The following AGMO variants were observed in gnomAD, a reference collection of about 807,000 sequenced individuals.
AGMO encodes alkylglycerol monooxygenase.
In AGMO, 75 loss-of-function variants were observed where a neutral mutation model predicts 60.2. The ratio of observed to expected loss-of-function variants is 1.25; its 90% confidence interval spans 1.03 to 1.51. AGMO has a LOEUF of 1.51. AGMO is among the 40% of genes most tolerant of loss of function. The pLI, the probability that AGMO is intolerant of heterozygous loss-of-function variation, is 0.00. For synonymous variants in AGMO, 261 were observed against 177.1 expected, an observed-to-expected ratio of 1.47 and a Z score of -3.76; for missense variants, 763 against 525.5, an observed-to-expected ratio of 1.45 and a Z score of -4.42.
chr7:15,505,934 T>C (rs975203298), intron 3 of AGMO, among the ~76,000 whole-genome samples: 3 of 152,168 alleles, frequency 2.0e-5, no homozygotes, highest in South Asian at 2.1e-4. Flanking sequence ...TACTTTAAAA[T>C]GAAGAGTTCA....
chr7:15,560,173 T>C lies in AGMO; in HGVS notation c.225A>G (p.Ser75=), dbSNP rs914712424. Residue 75 remains serine (S), a synonymous_variant, in exon 2 of 13, where the codon TCA becomes TCG. Transcript: ENST00000342526. ...GTCGAGACAGAACACCAGCTGAGAT[T>C]GACGTTAAAGCATCATCCAGGCGAC... is the stretch of plus-strand genomic sequence containing the variant. ...PPGRLDDALT[S]ISAGVLSRLP... The C allele has an allele frequency of 6.8e-6, 11 of 1,612,834 alleles. No homozygotes were observed. Among genetic ancestry groups the C allele is most frequent in the Middle Eastern group, 3.3e-4 (2 of 6,072 alleles).
At chr7:15,228,511 C>G (rs149775173) in intron 12 of AGMO, among the ~76,000 whole-genome samples, 2 of 152,038 alleles carry the variant, frequency 1.3e-5, no homozygotes, top group East Asian at 3.9e-4. Context: ...TCAACTGAAA[C>G]AGCCAGAGTA....
At chr7:15,173,582 C>G in the AGMO span, among the ~76,000 whole-genome samples, 1 of 151,462 alleles carries the variant, frequency 6.6e-6, no homozygotes, top group Non-Finnish European at 1.5e-5. Flanking sequence ...GAAGACAATA[C>G]AATAAAAAAC....
chr7:15,284,159 A>T (rs941015141), intron 12 of AGMO, among the ~76,000 whole-genome samples: 5 of 152,210 alleles, frequency 3.3e-5, no homozygotes, highest in African/African-American at 7.2e-5. Flanking sequence ...ATCTAATATC[A>T]TACCTCAGGC....
chr7:15,353,693 CAT>C (rs1438734197), intron 12 of AGMO, among the ~76,000 whole-genome samples: 1 of 152,076 alleles, frequency 6.6e-6, no homozygotes, highest in Admixed American at 6.6e-5. Flanking sequence ...TCAAAATAGA[CAT>C]AATATTAAAA....
intron 3 of AGMO, among the ~76,000 whole-genome samples, chr7:15,515,417 T>G (rs1420759582): frequency 5.3e-5 from 8 of 152,220 alleles, no homozygotes; most frequent in Admixed American, 4.6e-4. Context: ...TCTTCAGCTG[T>G]GTATTGGAGC....
Position 15,356,214 on chromosome 7 carries a change from G to A in AGMO, c.1263+9300C>T, listed in dbSNP as rs558906158. Among the ~76,000 whole-genome samples the A allele has an allele frequency of 2.0e-5, 3 of 152,152 alleles. No homozygotes were observed. The Middle Eastern group carries it at 0.01, about 518-fold the overall frequency. On this transcript the variant is annotated intron_variant, in intron 12 of 12. Transcript: ENST00000342526. ...TTCCCATCTAGATGTATAAACTAGA[G>A]AAACTCTACATACATGCAATGTGCA...
chr7:15,187,312 C>T, the AGMO span, among the ~76,000 whole-genome samples: 3 of 152,288 alleles, frequency 2.0e-5, no homozygotes, highest in Admixed American at 2.0e-4. Context: ...TATTTCTTCC[C>T]TGTTTGCACA....
the AGMO span, among the ~76,000 whole-genome samples, chr7:15,142,358 T>A: frequency 5.3e-5 from 8 of 152,140 alleles, no homozygotes; most frequent in African/African-American, 1.4e-4. Context: ...CACCAACTTA[T>A]GAACCATAAC....
chr7:15,328,083 T>C (rs1198704279), intron 12 of AGMO, among the ~76,000 whole-genome samples: 1 of 151,834 alleles, frequency 6.6e-6, no homozygotes, highest in African/African-American at 2.4e-5. Context: ...GTCAATACAC[T>C]GAGTCCTTCC....
In AGMO at chr7:15,365,598, T is replaced by C. The variant is rs1303122832; in HGVS notation, c.1179A>G (p.Glu393=). The change falls in exon 12 of 13, where the codon GAA becomes GAG. Residue 393 remains glutamate (E), a synonymous_variant. Transcript: ENST00000342526. ...LDQRPKAAIM[E]TLRCLMFLML... ...TTAAGAACATCAAGCAACGGAGAGT[T>C]TCCATAATAGCTGCCTTGGGTCTGA... is the stretch of plus-strand genomic sequence containing the variant. 1 of 1,611,960 alleles carries C rather than the reference T, an allele frequency of 6.2e-7. No individual in the cohort carries two copies. Among genetic ancestry groups the C allele is most frequent in the Non-Finnish European group, 8.5e-7 (1 of 1,178,818 alleles).
chr7:15,183,228 T>C, the AGMO span, among the ~76,000 whole-genome samples: 1 of 152,132 alleles, frequency 6.6e-6, no homozygotes, highest in African/African-American at 2.4e-5. Flanking sequence ...TGCACCATTT[T>C]GACTTTAAAG....
At chr7:15,499,797 A>G (rs2128524606) in intron 3 of AGMO, among the ~76,000 whole-genome samples, 1 of 151,812 alleles carries the variant, frequency 6.6e-6, no homozygotes, top group African/African-American at 2.4e-5. Flanking sequence ...TGCAACTGTA[A>G]AAGAGATTAA....
intron 9 of AGMO, among the ~76,000 whole-genome samples, chr7:15,386,325 C>G (rs1200161436): frequency 3.3e-5 from 5 of 152,162 alleles, no homozygotes; most frequent in African/African-American, 9.7e-5. Flanking sequence ...CGTTTCTACT[C>G]TAGCATTTAA....
chr7:15,194,661 A>G, the AGMO span, among the ~76,000 whole-genome samples: 1 of 152,174 alleles, frequency 6.6e-6, no homozygotes, highest in Non-Finnish European at 1.5e-5. Context: ...TGTTTAGCAT[A>G]AGTTTTATTC....
In AGMO at chr7:15,439,459, C is replaced by A. The variant is rs575216563; in HGVS notation, c.410-8351G>T. 2.6e-5 allele frequency among the ~76,000 whole-genome samples: 4 copies of A among 152,270 alleles called. No individual in the cohort carries two copies. In the South Asian group the frequency reaches 8.3e-4, roughly 32 times the overall value. ...CAGCTTTTTCCTCCCTCCCTTCTTT[C>A]TGCTACCTTGAATCATTCTTCACTT... On this transcript the variant is annotated intron_variant, in intron 3 of 12. Coordinates refer to ENST00000342526, the MANE Select transcript of AGMO (RefSeq NM_001004320.2).
the AGMO span, among the ~76,000 whole-genome samples, chr7:15,165,143 T>A: frequency 6.6e-6 from 1 of 152,166 alleles, no homozygotes; most frequent in East Asian, 1.9e-4. Flanking sequence ...TATAGACAAA[T>A]ATCACATGTT....
At chr7:15,176,444 A>G in the AGMO span, among the ~76,000 whole-genome samples, 37 of 152,108 alleles carry the variant, frequency 2.4e-4, 1 homozygote, top group African/African-American at 8.9e-4. Context: ...GATATTTTAT[A>G]CAATGTATGG....
chr7:15,508,732 G>C (rs954947088), intron 3 of AGMO, among the ~76,000 whole-genome samples: 1 of 124,414 alleles, frequency 8.0e-6, no homozygotes, highest in Non-Finnish European at 1.7e-5. Context: ...ACTTCGTATA[G>C]AAAAAAAAAA....
Sources: gnomAD v4.1 joint callset for allele counts (sites outside exome capture counted in the v4.1 genomes callset) on GRCh38, gnomAD v4.1.1 for gene constraint, MANE v1.5 for transcripts, NCBI Gene and HGNC (gene_info 2026-07-23, HGNC 2026-07-21) for gene names.